Variants in DPP6 observed in about 807,000 individuals in gnomAD.
DPP6 encodes A-type potassium channel modulatory protein DPP6.
DPP6 carries 69 observed loss-of-function variants against 122.6 expected under a neutral mutation model. That is an observed-to-expected ratio of 0.56 (90% CI 0.46 to 0.69). DPP6 has a LOEUF of 0.69. DPP6 is among the 30% of genes least tolerant of loss of function. The pLI is 0.00. For missense variants in DPP6, 928 were observed against 1,116.9 expected, an observed-to-expected ratio of 0.83 and a Z score of 2.41; for synonymous variants, 418 against 433.1, an observed-to-expected ratio of 0.97 and a Z score of 0.43.
chr7:154,243,178 C>A (rs904064203), intron 1 of DPP6, among the ~76,000 whole-genome samples: 1 of 152,096 alleles, frequency 6.6e-6, no homozygotes, highest in African/African-American at 2.4e-5. Flanking sequence ...AAGAGATTAT[C>A]TAGAATCATG....
chr7:153,867,819 C>G, the DPP6 span, among the ~76,000 whole-genome samples: 49 of 152,022 alleles, frequency 3.2e-4, 2 homozygotes, highest in Admixed American at 3.1e-3. Flanking sequence ...TTTTGAGATA[C>G]GTCCCATCAA....
intron 8 of DPP6, among the ~76,000 whole-genome samples, chr7:154,757,543 G>A (rs531544870): frequency 3.8e-4 from 58 of 152,324 alleles, no homozygotes; most frequent in Non-Finnish European, 7.8e-4. Flanking sequence ...GCCTTCGTAC[G>A]GTGCCTGTCT....
chr7:154,362,834 G>A (rs1293472131), intron 1 of DPP6, among the ~76,000 whole-genome samples: 1 of 152,202 alleles, frequency 6.6e-6, no homozygotes, highest in Non-Finnish European at 1.5e-5. Flanking sequence ...ACCTGGGCTG[G>A]AGGCCTGGCT....
chr7:154,865,713 G>A (rs773886487), intron 17 of DPP6, among the ~76,000 whole-genome samples: 2 of 152,104 alleles, frequency 1.3e-5, no homozygotes, highest in African/African-American at 2.4e-5. Context: ...AACTCTTACC[G>A]TTCAAGAGAT....
chr7:154,638,755 A>G (rs746030857), intron 6 of DPP6, among the ~76,000 whole-genome samples: 1 of 152,186 alleles, frequency 6.6e-6, no homozygotes, highest in Non-Finnish European at 1.5e-5. Context: ...CAGAACTAGG[A>G]AAGTCTGTCG....
chr7:154,374,677 T>C (rs955120397), intron 1 of DPP6, among the ~76,000 whole-genome samples: 3 of 151,144 alleles, frequency 2.0e-5, no homozygotes, highest in African/African-American at 7.3e-5. Flanking sequence ...AATGGCACCA[T>C]CTCAGCTCAC....
chr7:154,008,766 A>G (rs1798028896), intron 1 of DPP6, among the ~76,000 whole-genome samples: 1 of 141,698 alleles, frequency 7.1e-6, no homozygotes, highest in Non-Finnish European at 1.5e-5. Context: ...GGTTCACGCC[A>G]TTCTCCTGCC....
intron 1 of DPP6, among the ~76,000 whole-genome samples, chr7:154,213,113 A>G (rs1399485789): frequency 1.3e-5 from 2 of 152,122 alleles, no homozygotes; most frequent in African/African-American, 4.8e-5. Flanking sequence ...ACCTGCTCTG[A>G]TGGTCCAAGC....
At chr7:154,061,844 T>C (rs372718398) in intron 1 of DPP6, among the ~76,000 whole-genome samples, 3,138 of 72,828 alleles carry the variant, frequency 0.043, 87 homozygotes, top group Admixed American at 0.086. Flanking sequence ...GCTCTTAGGA[T>C]CCCCATCGCT....
intron 1 of DPP6, among the ~76,000 whole-genome samples, chr7:154,327,108 G>C (rs1286973580): frequency 2.0e-5 from 3 of 152,182 alleles, no homozygotes; most frequent in East Asian, 1.9e-4. Flanking sequence ...AGGTCATTTG[G>C]GGGGTCTGAA....
intron 7 of DPP6, among the ~76,000 whole-genome samples, chr7:154,687,137 G>C (rs770510975): frequency 6.6e-6 from 1 of 152,118 alleles, no homozygotes; most frequent in Non-Finnish European, 1.5e-5. Flanking sequence ...AGTAACATGA[G>C]TGTAGACGCT....
intron 4 of DPP6, among the ~76,000 whole-genome samples, chr7:154,544,779 G>A (rs1392915331): frequency 6.6e-6 from 1 of 152,210 alleles, no homozygotes; most frequent in Non-Finnish European, 1.5e-5. Context: ...TATGCCACAT[G>A]TGGATTCCAG....
chr7:153,879,179 A>G, the DPP6 span, among the ~76,000 whole-genome samples: 1 of 152,056 alleles, frequency 6.6e-6, no homozygotes, highest in Non-Finnish European at 1.5e-5. Flanking sequence ...GAAGGGAAAA[A>G]AGTAGATGTG....
intron 1 of DPP6, among the ~76,000 whole-genome samples, chr7:154,322,065 A>G (rs535142969): frequency 3.2e-4 from 4 of 12,466 alleles, no homozygotes; most frequent in Admixed American, 9.7e-4. Context: ...CCCAACCCCC[A>G]GCTTAGTTCT....
intron 6 of DPP6, among the ~76,000 whole-genome samples, chr7:154,647,577 C>T (rs1836568181): frequency 6.6e-6 from 1 of 152,140 alleles, no homozygotes; most frequent in African/African-American, 2.4e-5. Context: ...TGTGATTGTT[C>T]CTGAGCCTGG....
At chr7:154,216,833 GT>G (rs59460372) in intron 1 of DPP6, among the ~76,000 whole-genome samples, 16,984 of 125,202 alleles carry the variant, frequency 0.14, 1,806 homozygotes, top group African/African-American at 0.35. Flanking sequence ...TGTTACTGTT[GT>G]TTTTTTTTTT....
intron 5 of DPP6, among the ~76,000 whole-genome samples, chr7:154,575,290 A>G (rs1449716477): frequency 1.3e-3 from 54 of 41,386 alleles, no homozygotes; most frequent in Non-Finnish European, 1.6e-3. Flanking sequence ...TGTGGTGTGT[A>G]TGTGTGTGGG....
chr7:153,922,869 T>TG (rs939485857), intron 1 of DPP6, among the ~76,000 whole-genome samples: 3 of 152,210 alleles, frequency 2.0e-5, no homozygotes, highest in African/African-American at 7.2e-5. Context: ...ATCCAGTCTT[T>TG]GGACAACAAT....
In DPP6 at chr7:154,618,759, C is replaced by T. The variant is rs1834437264; in HGVS notation, c.628-19062C>T. Among the ~76,000 whole-genome samples, 1 of 152,208 alleles carries T rather than the reference C, an allele frequency of 6.6e-6. No homozygotes were observed. Among genetic ancestry groups the T allele is most frequent in the African/African-American group, 2.4e-5 (1 of 41,452 alleles). ...CTTTATCTCATTTTAACTTCACTTA[C>T]TCATGTAATCTCAGCACTATTATCA... On this transcript the variant is annotated intron_variant, in intron 5 of 25. Coordinates refer to ENST00000377770, the MANE Select transcript of DPP6 (RefSeq NM_130797.4). This position sits in a 1 kb window ranked among gnomAD's most constrained non-coding sequence, Gnocchi z 4.1.
Sources: gnomAD v4.1 joint callset for allele counts (sites outside exome capture counted in the v4.1 genomes callset) on GRCh38, gnomAD v4.1.1 for gene constraint, Gnocchi (gnomAD v3.1) non-coding constraint, MANE v1.5 for transcripts, NCBI Gene and HGNC (gene_info 2026-07-23, HGNC 2026-07-21) for gene names.